Variants in NFATC2 observed in about 807,000 individuals in gnomAD.
NFATC2 encodes nuclear factor of activated T-cells, cytoplasmic 2.
In NFATC2, 22 loss-of-function variants were observed where a neutral mutation model predicts 87.3. The ratio of observed to expected loss-of-function variants is 0.25; its 90% CI spans 0.18 to 0.36. The LOEUF (loss-of-function observed/expected upper bound fraction) is 0.36, where lower values mean the gene tolerates loss of function less well. NFATC2 is among the 10% of genes least tolerant of loss of function. The pLI, the probability that NFATC2 is intolerant of heterozygous loss-of-function variation, is 1.00. For synonymous variants in NFATC2, 565 were observed against 542.2 expected (o/e 1.04, Z -0.58); for missense variants, 1,149 against 1,259.1 (o/e 0.91, Z 1.32).
intron 9 of NFATC2, among the ~76,000 whole-genome samples, chr20:51,404,591 G>A (rs1013301886): frequency 6.6e-6 from 1 of 152,246 alleles, no homozygotes; most frequent in African/African-American, 2.4e-5. Context: ...CAGCAGCAGT[G>A]TGTCTCAGCC....
chr20:51,440,094 C>T (rs956173522), intron 6 of NFATC2, among the ~76,000 whole-genome samples: 18 of 152,036 alleles, frequency 1.2e-4, no homozygotes, highest in Non-Finnish European at 1.5e-4. Context: ...AAAAATTAGT[C>T]AGCATGGTGG....
At chr20:51,402,522 A>C (rs532898200) in intron 9 of NFATC2, among the ~76,000 whole-genome samples, 39 of 152,324 alleles carry the variant, frequency 2.6e-4, no homozygotes, top group Non-Finnish European at 4.6e-4. Context: ...ACTATATTGA[A>C]TTGAGACATA....
chr20:51,522,613 C>T (rs2076466507), intron 2 of NFATC2, among the ~76,000 whole-genome samples: 1 of 150,362 alleles, frequency 6.7e-6, no homozygotes, highest in South Asian at 2.1e-4. Flanking sequence ...CTGCGGCACA[C>T]AGCAGATGCT....
intron 9 of NFATC2, among the ~76,000 whole-genome samples, chr20:51,419,535 G>A (rs1057336156): frequency 1.3e-5 from 2 of 152,074 alleles, no homozygotes; most frequent in African/African-American, 4.8e-5. Context: ...GGTATGATGG[G>A]GCCAGCATAC....
chr20:51,512,218 T>C (rs543269499), intron 3 of NFATC2, among the ~76,000 whole-genome samples: 8 of 152,328 alleles, frequency 5.3e-5, no homozygotes, highest in Non-Finnish European at 1.2e-4. Context: ...GTACCATCTC[T>C]TGTCATGGTT....
rs781646185 is a variant in NFATC2 at position 51,516,769 on chromosome 20, C to G, written c.1332+15G>C. ...CAAACACCACACACAAAAGGAAGAGCATTCAAGTCCATACCTGAACCACAG... is the reference window on the plus strand; with the variant it reads ...CAAACACCACACACAAAAGGAAGAGGATTCAAGTCCATACCTGAACCACAG... On this transcript the variant is annotated intron_variant, in intron 3 of 10. Coordinates refer to ENST00000371564, the MANE Select transcript of NFATC2 (RefSeq NM_012340.5). 1.9e-6 allele frequency: 3 copies of G among 1,579,702 alleles called. No individual in the cohort carries two copies. Among genetic ancestry groups the G allele is most frequent in the Non-Finnish European group, 1.7e-6 (2 of 1,160,938 alleles).
chr20:51,460,547 A>C (rs1412882937), intron 5 of NFATC2, among the ~76,000 whole-genome samples: 1 of 151,510 alleles, frequency 6.6e-6, no homozygotes, highest in Non-Finnish European at 1.5e-5. Context: ...TTTAGCATAT[A>C]TGTACCAAAC....
chr20:51,409,739 C>T (rs1978902428), intron 9 of NFATC2, among the ~76,000 whole-genome samples: 1 of 152,228 alleles, frequency 6.6e-6, no homozygotes, highest in Non-Finnish European at 1.5e-5. Context: ...TATGCGACTG[C>T]AACCTGCAAA....
In NFATC2 at chr20:51,451,687, C is replaced by T. The variant is rs543856249; in HGVS notation, c.1849+2861G>A. The stretch of plus-strand genomic sequence containing the variant: ...CACTCCCCATCACTTGCATTACCGC[C>T]TGAGCGCTGCCTCCTGTCAGATGAG... On this transcript the variant is annotated intron_variant, in intron 6 of 10. Coordinates refer to ENST00000371564, the MANE Select transcript of NFATC2 (RefSeq NM_012340.5). Among the ~76,000 whole-genome samples the T allele has an allele frequency of 8.1e-4, 124 of 152,240 alleles. 1 individual carries two copies. The highest frequency in any genetic ancestry group is 1.5e-3 in the Non-Finnish European group (105 of 68,050).
At chr20:51,414,997 C>A (rs1293918354) in intron 9 of NFATC2, among the ~76,000 whole-genome samples, 1 of 151,976 alleles carries the variant, frequency 6.6e-6, no homozygotes, top group Non-Finnish European at 1.5e-5. Context: ...TGCCTGTAAT[C>A]CCAGCACTTT....
chr20:51,534,555 G>C (rs1188888168), intron 1 of NFATC2, among the ~76,000 whole-genome samples: 3 of 152,104 alleles, frequency 2.0e-5, no homozygotes, highest in Non-Finnish European at 4.4e-5. Flanking sequence ...GGCTGGTCTC[G>C]AACTCCTGAC....
intron 10 of NFATC2, among the ~76,000 whole-genome samples, 197 bp from the exon 11 acceptor site, chr20:51,391,648 CTACA>C (rs3029259): frequency 0.65 from 97,895 of 151,148 alleles, 33,343 homozygotes; most frequent in African/African-American, 0.88. Context: ...GTAGCTGGGA[CTACA>C]TACAGGTGCA....
chr20:51,511,757 C>A (rs2146673093), intron 3 of NFATC2, among the ~76,000 whole-genome samples: 1 of 152,354 alleles, frequency 6.6e-6, no homozygotes, highest in South Asian at 2.1e-4. Flanking sequence ...CTAACAATCT[C>A]ATCTCCCTGC....
At chr20:51,458,831 C>G (rs192768528) in intron 5 of NFATC2, among the ~76,000 whole-genome samples, 1 of 152,080 alleles carries the variant, frequency 6.6e-6, no homozygotes, top group African/African-American at 2.4e-5. Flanking sequence ...AAAAAATCTT[C>G]AAATGATTAC....
At chr20:51,546,592 C>T (rs1020878836), upstream of NFATC2, among the ~76,000 whole-genome samples, 3 of 152,104 alleles carry the variant, frequency 2.0e-5, no homozygotes, top group Non-Finnish European at 2.9e-5. Flanking sequence ...CCTCTCCAAC[C>T]GAAGTGCAAC....
At chr20:51,540,667 T>TTTTTTTTTTTTTTTTTTTTTTTTTTG (rs1555818370) in intron 1 of NFATC2, among the ~76,000 whole-genome samples, 2 of 147,232 alleles carry the variant, frequency 1.4e-5, no homozygotes, top group African/African-American at 2.6e-5. Context: ...TGTTTTTTTT[T>TTTTTTTTTTTTTTTTTTTTTTTTTTG]TTTTGAGAAA....
At chr20:51,391,802 C>G (rs1054758386) in intron 10 of NFATC2, among the ~76,000 whole-genome samples, 1 of 152,182 alleles carries the variant, frequency 6.6e-6, no homozygotes, top group Non-Finnish European at 1.5e-5. Flanking sequence ...AGGCATGAAC[C>G]ATTCTGCCCA....
Position 51,464,555 on chromosome 20 carries a change from C to T in NFATC2, c.1708+9425G>A, listed in dbSNP as rs150540273. Among the ~76,000 whole-genome samples the T allele has an allele frequency of 5.1e-3, 770 of 152,256 alleles. 2 individuals are homozygous for T. The highest frequency in any genetic ancestry group is 8.1e-3 in the Non-Finnish European group (550 of 68,016). On this transcript the variant is annotated intron_variant, in intron 5 of 10. Transcript: ENST00000371564. ...ATAGGGCTTCTTGGTCACTTGCCTT[C>T]GAGAGCAGAGGCTGACAAAGGCCTG...
At chr20:51,420,848 G>A (rs1980786172) in intron 9 of NFATC2, among the ~76,000 whole-genome samples, 1 of 151,808 alleles carries the variant, frequency 6.6e-6, no homozygotes, top group African/African-American at 2.4e-5. Flanking sequence ...CCTTTTTTTA[G>A]AGATACATGC....
Sources: allele counts gnomAD v4.1 joint callset (sites outside exome capture counted in the v4.1 genomes callset), GRCh38; gene constraint gnomAD v4.1.1; transcripts MANE v1.5; gene names NCBI Gene and HGNC (gene_info 2026-07-23, HGNC 2026-07-21).